The following LHFPL3 variants were observed in gnomAD, a reference collection of about 807,000 sequenced individuals.
The protein encoded by LHFPL3 is LHFPL tetraspan subfamily member 3, also known as LHFPL tetraspan subfamily member 3 protein.
A neutral mutation model predicts 19.3 loss-of-function variants in LHFPL3; 5 were observed. That is an observed-to-expected ratio of 0.26 (90% CI 0.14 to 0.54). LHFPL3 has a LOEUF of 0.54. LHFPL3 is among the 20% of genes least tolerant of loss of function. The pLI is 0.94. For missense variants in LHFPL3, 249 were observed against 307.4 expected (o/e 0.81, Z 1.42); for synonymous variants, 133 against 126.2 (o/e 1.05, Z -0.36).
intron 1 of LHFPL3, among the ~76,000 whole-genome samples, chr7:104,438,355 T>G (rs890300466): frequency 1.3e-5 from 2 of 152,364 alleles, no homozygotes; most frequent in African/African-American, 4.8e-5. Context: ...TAAAAGTTAC[T>G]CTGCCATTGG....
chr7:104,572,812 A>G (rs1463933841), intron 1 of LHFPL3, among the ~76,000 whole-genome samples: 1 of 152,150 alleles, frequency 6.6e-6, no homozygotes, highest in Admixed American at 6.5e-5. Flanking sequence ...TGAGAAAGGT[A>G]TTTCCTCCTC....
chr7:104,475,118 G>A (rs111303676), intron 1 of LHFPL3, among the ~76,000 whole-genome samples: 2 of 152,148 alleles, frequency 1.3e-5, no homozygotes, highest in South Asian at 2.1e-4. Flanking sequence ...TTAAAACACC[G>A]CTTGTAAGCT....
chr7:104,689,955 G>T (rs1792878278), intron 1 of LHFPL3, among the ~76,000 whole-genome samples: 1 of 152,138 alleles, frequency 6.6e-6, no homozygotes, highest in Admixed American at 6.5e-5. Flanking sequence ...GGTAGGGTGA[G>T]GGCTATTGTG....
At chr7:104,842,327 G>A (rs1322021085) in intron 2 of LHFPL3, among the ~76,000 whole-genome samples, 1 of 151,900 alleles carries the variant, frequency 6.6e-6, no homozygotes, top group Admixed American at 6.6e-5. Flanking sequence ...TTCCTACATG[G>A]GCTACCCACC....
At position 104,808,478 on chromosome 7, in the gene LHFPL3, G is replaced by C. The variant is rs190868354; in HGVS notation, c.682+71567G>C. Reference sequence around the variant, plus strand: ...AGGGCCCAGCACTGGAATTGTGCCTGGTGACTAGCTGCGGCGCAATAAGTA... The same window carrying C: ...AGGGCCCAGCACTGGAATTGTGCCTCGTGACTAGCTGCGGCGCAATAAGTA... On this transcript the variant is annotated intron_variant, in intron 2 of 2. Transcript: ENST00000424859. 4.8e-4 allele frequency among the ~76,000 whole-genome samples: 73 copies of C among 152,254 alleles called. No individual in the cohort carries two copies. In the East Asian group the frequency reaches 0.012, roughly 25 times the overall value.
At chr7:104,715,637 A>G (rs1195974826) in intron 1 of LHFPL3, among the ~76,000 whole-genome samples, 1 of 152,130 alleles carries the variant, frequency 6.6e-6, no homozygotes. Context: ...TTTCCTACAT[A>G]TATGGAGATG....
At chr7:104,845,005 G>C (rs1444263102) in intron 2 of LHFPL3, among the ~76,000 whole-genome samples, 1 of 152,244 alleles carries the variant, frequency 6.6e-6, no homozygotes, top group Non-Finnish European at 1.5e-5. Flanking sequence ...CTCCCAAAGT[G>C]TTGGGATTAC....
intron 1 of LHFPL3, among the ~76,000 whole-genome samples, chr7:104,595,378 G>T (rs1790826962): frequency 6.6e-6 from 1 of 152,202 alleles, no homozygotes; most frequent in Non-Finnish European, 1.5e-5. Context: ...GGAAGCTGAA[G>T]AACAGCAAAT....
chr7:104,477,053 C>A (rs1002042185), intron 1 of LHFPL3, among the ~76,000 whole-genome samples: 1 of 152,110 alleles, frequency 6.6e-6, no homozygotes, highest in Non-Finnish European at 1.5e-5. Flanking sequence ...TGTAGTGGTG[C>A]AAACACGGCT....
chr7:104,649,133 A>T (rs1791983696), intron 1 of LHFPL3, among the ~76,000 whole-genome samples: 1 of 152,234 alleles, frequency 6.6e-6, no homozygotes, highest in African/African-American at 2.4e-5. Flanking sequence ...AAGAGCAAAT[A>T]GGTTAGCAAG....
intron 1 of LHFPL3, among the ~76,000 whole-genome samples, chr7:104,679,220 T>C (rs1792648341): frequency 6.6e-6 from 1 of 152,234 alleles, no homozygotes; most frequent in Non-Finnish European, 1.5e-5. Flanking sequence ...CCTCAGCTCC[T>C]TACTGGTTGT....
At chr7:104,579,307 G>C (rs963211527) in intron 1 of LHFPL3, among the ~76,000 whole-genome samples, 3 of 152,036 alleles carry the variant, frequency 2.0e-5, no homozygotes, top group African/African-American at 7.2e-5. Context: ...CCCTTACCCT[G>C]TTTCCTCCCT....
chr7:104,720,501 A>G (rs1473511284), intron 1 of LHFPL3, among the ~76,000 whole-genome samples: 1 of 152,222 alleles, frequency 6.6e-6, no homozygotes, highest in African/African-American at 2.4e-5. Flanking sequence ...CATGACTAAA[A>G]CACCAAAAGC....
intron 2 of LHFPL3, among the ~76,000 whole-genome samples, chr7:104,769,407 C>A (rs1289542987): frequency 2.0e-5 from 3 of 152,164 alleles, no homozygotes; most frequent in African/African-American, 7.2e-5. Context: ...TAAGTTGAAC[C>A]AGAGAAAATT....
chr7:104,515,647 G>A (rs1793906419), intron 1 of LHFPL3, among the ~76,000 whole-genome samples: 1 of 152,160 alleles, frequency 6.6e-6, no homozygotes, highest in Non-Finnish European at 1.5e-5. Flanking sequence ...GTGCTTCGAA[G>A]TAGTGTGTTC....
intron 1 of LHFPL3, among the ~76,000 whole-genome samples, chr7:104,598,942 G>T (rs549022214): frequency 3.3e-5 from 5 of 152,268 alleles, no homozygotes; most frequent in African/African-American, 9.6e-5. Context: ...CCTTACAAAA[G>T]TGTCTTGACC....
At chr7:104,519,835 G>A (rs957548745) in intron 1 of LHFPL3, among the ~76,000 whole-genome samples, 1 of 152,034 alleles carries the variant, frequency 6.6e-6, no homozygotes, top group East Asian at 1.9e-4. Flanking sequence ...CATATTGGGG[G>A]TTGGTCAGGA....
intron 1 of LHFPL3, among the ~76,000 whole-genome samples, chr7:104,571,049 G>A (rs1202449970): frequency 6.6e-6 from 1 of 152,180 alleles, no homozygotes; most frequent in African/African-American, 2.4e-5. Context: ...CCCAGCAAAT[G>A]TGAGTCAGAA....
intron 1 of LHFPL3, among the ~76,000 whole-genome samples, chr7:104,424,180 C>G (rs1009426494): frequency 1.3e-5 from 2 of 152,110 alleles, no homozygotes; most frequent in African/African-American, 4.8e-5. Flanking sequence ...GACTACTTTA[C>G]CAAGTGTGAG....
Sources: allele counts gnomAD v4.1 joint callset (sites outside exome capture counted in the v4.1 genomes callset), GRCh38; gene constraint gnomAD v4.1.1; transcripts MANE v1.5; gene names NCBI Gene and HGNC (gene_info 2026-07-23, HGNC 2026-07-21).